KBTBD12: variants seen among roughly 807,000 people sequenced by gnomAD.
KBTBD12 encodes the protein kelch repeat and BTB domain containing 12, also known as kelch repeat and BTB domain-containing protein 12.
Under a neutral mutation model 58.7 loss-of-function variants are expected in KBTBD12, and 53 were observed. The observed-to-expected ratio is 0.90, with a 90% CI of 0.72 to 1.14. The LOEUF (loss-of-function observed/expected upper bound fraction) is 1.14. Among genes scored for constraint, KBTBD12 ranks in the 50% most tolerant of loss-of-function variants. The probability of loss-of-function intolerance (pLI) is 0.00; values close to 1 mark genes in which losing one functional copy is unlikely to be tolerated. For synonymous variants in KBTBD12, 236 were observed against 259.8 expected, an observed-to-expected ratio of 0.91 and a Z score of 0.88; for missense variants, 704 against 751.3, an observed-to-expected ratio of 0.94 and a Z score of 0.74.
intron 4 of KBTBD12, among the ~76,000 whole-genome samples, chr3:127,950,754 G>A (rs748197108): frequency 3.6e-4 from 55 of 152,218 alleles, no homozygotes; most frequent in African/African-American, 1.1e-3. Flanking sequence ...AAATGAGGCC[G>A]GGCACGGTGA....
intron 4 of KBTBD12, among the ~76,000 whole-genome samples, chr3:127,955,604 G>A (rs1209160043): frequency 2.0e-5 from 3 of 152,140 alleles, no homozygotes; most frequent in Non-Finnish European, 4.4e-5. Context: ...TTCAGAGTCA[G>A]TGAGTCTAAA....
At chr3:127,946,861 A>G (rs1055782331) in intron 4 of KBTBD12, among the ~76,000 whole-genome samples, 4 of 152,180 alleles carry the variant, frequency 2.6e-5, no homozygotes, top group African/African-American at 4.8e-5. Context: ...TTATTGAACT[A>G]TCTTCAAGTT....
At chr3:127,981,987 C>T (rs1352941265) in intron 5 of KBTBD12, among the ~76,000 whole-genome samples, 2 of 152,122 alleles carry the variant, frequency 1.3e-5, no homozygotes, top group Non-Finnish European at 2.9e-5. Context: ...TCTTTAATTA[C>T]CATAAAATTG....
intron 5 of KBTBD12, among the ~76,000 whole-genome samples, chr3:127,974,084 A>G (rs1940733554): frequency 6.6e-6 from 1 of 152,218 alleles, no homozygotes; most frequent in African/African-American, 2.4e-5. Context: ...AAACATTTCT[A>G]TTTCCACAAG....
In KBTBD12 at chr3:127,937,188, AACAACAACAAC is replaced by A. The variant is rs1939848327; in HGVS notation, c.1492+6907_1492+6917del. Among the ~76,000 whole-genome samples, 3 of 150,758 alleles carry A rather than the reference AACAACAACAAC, an allele frequency of 2.0e-5. No homozygotes were observed. The East Asian group carries it at 5.8e-4, about 29-fold the overall frequency. ...ATGGCCAGAAAACAACAACAACAAC[AACAACAACAAC>A]AACAACAACAACAAAACAGTGGAGA... On this transcript the variant is annotated intron_variant, in intron 4 of 5. Coordinates refer to ENST00000405109, the MANE Select transcript of KBTBD12 (RefSeq NM_207335.4).
intron 5 of KBTBD12, among the ~76,000 whole-genome samples, chr3:127,980,008 A>G (rs1940846963): frequency 6.6e-6 from 1 of 152,236 alleles, no homozygotes; most frequent in African/African-American, 2.4e-5. Flanking sequence ...ATTTTCCTAA[A>G]TAAGTCTTGG....
intron 3 of KBTBD12, among the ~76,000 whole-genome samples, chr3:127,929,385 CA>C (rs1034362631): frequency 1.4e-4 from 22 of 151,848 alleles, no homozygotes; most frequent in African/African-American, 5.1e-4. Context: ...ACTTGTATCC[CA>C]AAAAAATGGC....
chr3:127,941,146 T>A (rs562023333), intron 4 of KBTBD12, among the ~76,000 whole-genome samples: 22 of 152,164 alleles, frequency 1.4e-4, no homozygotes, highest in Non-Finnish European at 3.1e-4. Flanking sequence ...GCAACCTCTT[T>A]TAGAACAAAG....
chr3:127,921,165 A>G (rs957532869), intron 1 of KBTBD12, among the ~76,000 whole-genome samples: 1 of 152,138 alleles, frequency 6.6e-6, no homozygotes, highest in African/African-American at 2.4e-5. Flanking sequence ...ATTCTCCTGA[A>G]TATTCTTATG....
intron 4 of KBTBD12, among the ~76,000 whole-genome samples, chr3:127,958,954 G>A (rs1168098520): frequency 6.6e-6 from 1 of 152,168 alleles, no homozygotes; most frequent in Non-Finnish European, 1.5e-5. Flanking sequence ...CCAGAATCCG[G>A]TAGAAGGCAG....
Position 127,923,042 on chromosome 3 carries a change from G to T in KBTBD12, c.-20G>T. ...GCTACACTTAAAGAAGACTTAGTTGGAAACTTTGGAGAGTAGATCATGGAG... is the reference window on the plus strand; with the variant it reads ...GCTACACTTAAAGAAGACTTAGTTGTAAACTTTGGAGAGTAGATCATGGAG... On this transcript the variant is annotated 5_prime_UTR_variant, in exon 2 of 6. Transcript: ENST00000405109. 1 of 1,469,138 alleles carries T rather than the reference G, an allele frequency of 6.8e-7. No homozygotes were observed. Among genetic ancestry groups the T allele is most frequent in the Non-Finnish European group, 9.4e-7 (1 of 1,058,718 alleles). 91.0% of individuals were successfully genotyped at this position (1,469,138 alleles called of 1,614,324 possible). A position where few individuals can be genotyped will look rare whatever the true frequency, so the allele number is the denominator to read the frequency against.
At chr3:127,965,252 A>C (rs1940540565) in intron 5 of KBTBD12, among the ~76,000 whole-genome samples, 1 of 152,220 alleles carries the variant, frequency 6.6e-6, no homozygotes. Context: ...TTTTTCAAAC[A>C]TGTCAAATAA....
intron 4 of KBTBD12, among the ~76,000 whole-genome samples, chr3:127,942,661 C>T (rs1451175798): frequency 6.8e-6 from 1 of 147,208 alleles, no homozygotes; most frequent in Non-Finnish European, 1.5e-5. Context: ...TATATAACTA[C>T]ATATAACTAT....
rs141707554 is a variant in KBTBD12 at position 127,933,488 on chromosome 3, C to A, written c.1492+3205C>A. Among the ~76,000 whole-genome samples the A allele has an allele frequency of 7.9e-4, 120 of 152,232 alleles. 1 individual carries two copies. The highest frequency in any genetic ancestry group is 2.8e-3 in the African/African-American group (117 of 41,536). On this transcript the variant is annotated intron_variant, in intron 4 of 5. Transcript: ENST00000405109. Reference sequence around the variant, plus strand: ...TGGCCAGAAATTTAACAGGAAGATCCTGGAAATCAGAAAGTCACAGAGAGA... The same window carrying A: ...TGGCCAGAAATTTAACAGGAAGATCATGGAAATCAGAAAGTCACAGAGAGA...
chr3:127,916,130 G>T (rs6763861), intron 1 of KBTBD12, among the ~76,000 whole-genome samples: 51 of 152,262 alleles, frequency 3.3e-4, no homozygotes, highest in Middle Eastern at 3.4e-3. Context: ...AAAGTATAAA[G>T]CACTGTGAGA....
At chr3:127,953,927 T>A (rs1940264652) in intron 4 of KBTBD12, among the ~76,000 whole-genome samples, 1 of 152,220 alleles carries the variant, frequency 6.6e-6, no homozygotes, top group Admixed American at 6.5e-5. Context: ...ATAAGTCTTA[T>A]GAGTCAATGA....
At chr3:127,930,034 A>G (rs1939665405) in intron 3 of KBTBD12, 99 bp from the exon 4 acceptor site, 4 of 1,101,916 alleles carry the variant, frequency 3.6e-6, no homozygotes. Context: ...GTTAACCTCT[A>G]TTTATCTCCT....
chr3:127,975,257 G>A (rs1256741823), intron 5 of KBTBD12, among the ~76,000 whole-genome samples: 1 of 152,222 alleles, frequency 6.6e-6, no homozygotes. Context: ...GGATCTGGAG[G>A]TGTTCATCCT....
chr3:127,960,534 T>C (rs1940418554), intron 4 of KBTBD12, among the ~76,000 whole-genome samples: 1 of 152,240 alleles, frequency 6.6e-6, no homozygotes, highest in Admixed American at 6.5e-5. Context: ...GTACTGATCC[T>C]ACCCCAAGAC....
Sources: allele counts gnomAD v4.1 joint callset (sites outside exome capture counted in the v4.1 genomes callset), GRCh38; gene constraint gnomAD v4.1.1; transcripts MANE v1.5; gene names NCBI Gene and HGNC (gene_info 2026-07-23, HGNC 2026-07-21).